The following PALD1 variants were observed in gnomAD, a reference collection of about 807,000 sequenced individuals.
The protein encoded by PALD1 is paladin.
Under a neutral mutation model 96.0 loss-of-function variants are expected in PALD1, and 57 were observed. That is an observed-to-expected ratio of 0.59 (90% CI 0.48 to 0.74). The LOEUF (loss-of-function observed/expected upper bound fraction) is 0.74, where lower values mean the gene tolerates loss of function less well. Among genes scored for constraint, PALD1 ranks in the 30% least tolerant of loss-of-function variants. PALD1 has a pLI of 0.00. For missense variants in PALD1, 1,063 were observed against 1,143.7 expected (o/e 0.93, Z 1.02); for synonymous variants, 464 against 473.6 (o/e 0.98, Z 0.26).
chr10:70,505,403 C>G (rs548335338), intron 1 of PALD1, among the ~76,000 whole-genome samples: 1 of 152,078 alleles, frequency 6.6e-6, no homozygotes, highest in African/African-American at 2.4e-5. Flanking sequence ...CGAGACTAGC[C>G]TGTTCGAGAC....
chr10:70,477,428 C>G (rs1433927658), upstream of PALD1, among the ~76,000 whole-genome samples: 2 of 152,240 alleles, frequency 1.3e-5, no homozygotes, highest in East Asian at 1.9e-4. Flanking sequence ...CTGCTGAACT[C>G]TGAAGGTCAG....
At chr10:70,459,558 A>G in the PALD1 span, among the ~76,000 whole-genome samples, 7 of 151,724 alleles carry the variant, frequency 4.6e-5, no homozygotes, top group African/African-American at 1.7e-4. Flanking sequence ...CATGGAGGGA[A>G]GGACGTCCAG....
intron 1 of PALD1, among the ~76,000 whole-genome samples, chr10:70,507,777 GT>G (rs1846422619): frequency 1.4e-5 from 2 of 146,168 alleles, no homozygotes; most frequent in African/African-American, 2.6e-5. Context: ...GTGTGTGTGT[GT>G]GTGTGTGTGT....
At chr10:70,507,277 T>A (rs1329975021) in intron 1 of PALD1, among the ~76,000 whole-genome samples, 1 of 149,494 alleles carries the variant, frequency 6.7e-6, no homozygotes, top group African/African-American at 2.5e-5. Flanking sequence ...CCGGGCATGG[T>A]GGCGGGTGCC....
chr10:70,474,503 G>C (rs1398157214), upstream of PALD1, among the ~76,000 whole-genome samples: 1 of 152,218 alleles, frequency 6.6e-6, no homozygotes, highest in Admixed American at 6.5e-5. Context: ...GGAGGCAGCA[G>C]TGAGCCGAGA....
Position 70,539,125 on chromosome 10 carries a change from G to A in PALD1, c.1603G>A (p.Ala535Thr), listed in dbSNP as rs1237981872. 5.6e-6 allele frequency: 9 copies of A among 1,613,756 alleles called. No homozygotes were observed. Among genetic ancestry groups the A allele is most frequent in the East Asian group, 4.5e-5 (2 of 44,862 alleles). ...GAGCATCCTGGCCTACCTGACGGAC[G>A]CCAAGAGGAGGCTGCGGAAGGTTGT... ...LGSILAYLTD[A>T]KRRLRKVVWV... The change falls in exon 14 of 20, where the codon GCC (alanine) becomes ACC (threonine). Residue 535 changes from alanine to threonine, a missense_variant. By Grantham distance (58) the Ala-to-Thr change is moderately conservative. Coordinates refer to ENST00000263563, the MANE Select transcript of PALD1 (RefSeq NM_014431.3). The surrounding 1 kb of genome is among the most constrained non-coding windows in gnomAD (Gnocchi z 4.5).
intron 1 of PALD1, among the ~76,000 whole-genome samples, chr10:70,480,924 T>C (rs964247425): frequency 6.6e-6 from 1 of 152,058 alleles, no homozygotes; most frequent in Non-Finnish European, 1.5e-5. Context: ...AGGAGGATGG[T>C]GGGGGTGAGC....
intron 17 of PALD1, among the ~76,000 whole-genome samples, chr10:70,545,895 A>G (rs1330538044): frequency 6.6e-6 from 1 of 152,154 alleles, no homozygotes; most frequent in Non-Finnish European, 1.5e-5. Context: ...TTATAGATCA[A>G]AGTTCTGCAT....
At chr10:70,480,826 G>A (rs1845917838) in intron 1 of PALD1, among the ~76,000 whole-genome samples, 2 of 152,224 alleles carry the variant, frequency 1.3e-5, no homozygotes, top group Admixed American at 1.3e-4. Context: ...TGTGGGCAGA[G>A]ACGTGAGTGC....
At chr10:70,533,253 C>T (rs1452308930) in intron 7 of PALD1, among the ~76,000 whole-genome samples, 183 bp downstream of exon 7, 1 of 151,620 alleles carries the variant, frequency 6.6e-6, no homozygotes, top group Non-Finnish European at 1.5e-5. Context: ...TGTGTCAGCG[C>T]CTTTGTGTGT....
the PALD1 span, among the ~76,000 whole-genome samples, chr10:70,460,830 C>T: frequency 3.0e-4 from 46 of 152,180 alleles, no homozygotes; most frequent in South Asian, 4.2e-3. Context: ...CCGAGGCGGG[C>T]GGATCACCTG....
At chr10:70,561,892 C>G (rs1847744767) in intron 18 of PALD1, among the ~76,000 whole-genome samples, 1 of 152,240 alleles carries the variant, frequency 6.6e-6, no homozygotes, top group Admixed American at 6.5e-5. Flanking sequence ...GATGTCCCCT[C>G]TTCCTTGAGC....
At chr10:70,466,391 C>T in the PALD1 span, among the ~76,000 whole-genome samples, 1 of 151,936 alleles carries the variant, frequency 6.6e-6, no homozygotes, top group Non-Finnish European at 1.5e-5. Flanking sequence ...ATTATAGGTG[C>T]CCGCCACCAT....
chr10:70,487,234 C>T (rs530251380), intron 1 of PALD1, among the ~76,000 whole-genome samples: 99 of 147,814 alleles, frequency 6.7e-4, no homozygotes, highest in South Asian at 1.5e-3. Context: ...CCCAGGTTCA[C>T]GTCATTCTCC....
upstream of PALD1, among the ~76,000 whole-genome samples, chr10:70,477,778 G>A (rs1005594190): frequency 3.3e-5 from 5 of 152,186 alleles, no homozygotes; most frequent in Admixed American, 2.6e-4. Context: ...ACCCCAGCTC[G>A]CCGAAATCCA....
upstream of PALD1, among the ~76,000 whole-genome samples, chr10:70,475,476 G>A (rs1473664715): frequency 4.6e-5 from 7 of 152,168 alleles, no homozygotes; most frequent in African/African-American, 1.7e-4. Context: ...GCAGTAAGGT[G>A]GTCACAAGGA....
At chr10:70,553,606 G>C (rs1847526993) in intron 18 of PALD1, among the ~76,000 whole-genome samples, 1 of 152,310 alleles carries the variant, frequency 6.6e-6, no homozygotes, top group South Asian at 2.1e-4. Context: ...TGTGATAAAG[G>C]GTGTTCTAAT....
intron 1 of PALD1, among the ~76,000 whole-genome samples, chr10:70,487,696 T>TA (rs565896089): frequency 1.9e-3 from 267 of 143,606 alleles, no homozygotes; most frequent in African/African-American, 2.0e-3. Flanking sequence ...TTTTTTTCTT[T>TA]AAAAAAAAAA....
At chr10:70,533,387 T>TTG (rs1019218095) in intron 7 of PALD1, among the ~76,000 whole-genome samples, 2 of 151,800 alleles carry the variant, frequency 1.3e-5, no homozygotes, top group South Asian at 2.1e-4. Context: ...GTGTATGTGT[T>TTG]TGTGTGTGTG....
Sources: allele counts gnomAD v4.1 joint callset (sites outside exome capture counted in the v4.1 genomes callset), GRCh38; gene constraint gnomAD v4.1.1; non-coding constraint Gnocchi (gnomAD v3.1); transcripts MANE v1.5; gene names NCBI Gene and HGNC (gene_info 2026-07-23, HGNC 2026-07-21).